DIP2B: variants seen among roughly 807,000 people sequenced by gnomAD.
The protein encoded by DIP2B is DIP2 acetate--CoA ligase B (putative).
A neutral mutation model predicts 198.0 loss-of-function variants in DIP2B; 76 were observed. The ratio of observed to expected loss-of-function variants is 0.38; its 90% CI spans 0.32 to 0.46. The LOEUF is 0.46. DIP2B is among the 20% of genes least tolerant of loss of function. The probability of loss-of-function intolerance (pLI) is 0.99; values close to 1 mark genes in which losing one functional copy is unlikely to be tolerated. For synonymous variants in DIP2B, 701 were observed against 739.1 expected, an observed-to-expected ratio of 0.95 and a Z score of 0.84; for missense variants, 1,559 against 1,978.4, an observed-to-expected ratio of 0.79 and a Z score of 4.02.
intron 1 of DIP2B, among the ~76,000 whole-genome samples, chr12:50,533,417 G>C (rs1353950700): frequency 6.6e-6 from 1 of 152,020 alleles, no homozygotes; most frequent in South Asian, 2.1e-4. Flanking sequence ...GTTGTGTAGG[G>C]TGAGGGTAGC....
At chr12:50,593,693 C>T (rs1207303753) in intron 1 of DIP2B, among the ~76,000 whole-genome samples, 1 of 102,214 alleles carries the variant, frequency 9.8e-6, no homozygotes, top group Non-Finnish European at 2.1e-5. Flanking sequence ...ACACTCTTTT[C>T]TCCTCTCCTC....
chr12:50,708,832 T>C (rs1337857722), intron 22 of DIP2B, among the ~76,000 whole-genome samples: 1 of 152,260 alleles, frequency 6.6e-6, no homozygotes, highest in East Asian at 1.9e-4. Context: ...GTGAAAGTTT[T>C]AACTGTCATA....
intron 1 of DIP2B, among the ~76,000 whole-genome samples, chr12:50,592,538 C>T (rs1440853899): frequency 1.3e-5 from 2 of 151,924 alleles, no homozygotes; most frequent in Non-Finnish European, 2.9e-5. Flanking sequence ...AGTGCAGTGG[C>T]ACGATCTCAG....
chr12:50,682,654 G>C (rs1314906416), intron 9 of DIP2B, among the ~76,000 whole-genome samples: 1 of 106,058 alleles, frequency 9.4e-6, no homozygotes, highest in African/African-American at 3.7e-5. Flanking sequence ...AAAAAAAAAA[G>C]AGTAGGAAAA....
At position 50,718,938 on chromosome 12, in the gene DIP2B, C is replaced by T; in HGVS notation, c.2962-17C>T. ...AAGTTGCTGACCCTGAGTCCTTTTT[C>T]TGGTTTATGACTTCAGCACCAGTTT... On this transcript the variant is annotated splice_polypyrimidine_tract_variant and intron_variant, in intron 24 of 37. Coordinates refer to ENST00000301180, the MANE Select transcript of DIP2B (RefSeq NM_173602.3). 1 of 1,614,048 alleles carries T rather than the reference C, an allele frequency of 6.2e-7. No individual in the cohort carries two copies.
chr12:50,654,440 G>C (rs1263230261), intron 3 of DIP2B, among the ~76,000 whole-genome samples: 2 of 148,682 alleles, frequency 1.3e-5, no homozygotes, highest in African/African-American at 2.5e-5. Context: ...AGGCAGCCTC[G>C]ACCTCCTGTG....
At chr12:50,531,739 A>G (rs1040783885) in intron 1 of DIP2B, among the ~76,000 whole-genome samples, 11 of 152,136 alleles carry the variant, frequency 7.2e-5, no homozygotes, top group Non-Finnish European at 1.2e-4. Context: ...AGGTGGAGAG[A>G]AAGGAAGTAG....
chr12:50,522,035 C>G (rs1195848346), intron 1 of DIP2B, among the ~76,000 whole-genome samples: 1 of 151,812 alleles, frequency 6.6e-6, no homozygotes, highest in Non-Finnish European at 1.5e-5. Flanking sequence ...GAGTCTTGCT[C>G]TGTCACCCAG....
intron 1 of DIP2B, among the ~76,000 whole-genome samples, chr12:50,524,230 C>T (rs150438053): frequency 1.1e-4 from 17 of 152,322 alleles, no homozygotes; most frequent in African/African-American, 4.1e-4. Context: ...CATCACATCT[C>T]TTGCTTCTTT....
At chr12:50,722,253 G>GTTTATTTTATTTTATTTTAT (rs147287033) in intron 26 of DIP2B, among the ~76,000 whole-genome samples, 70 of 143,170 alleles carry the variant, frequency 4.9e-4, no homozygotes, top group African/African-American at 1.8e-3. Context: ...TTGTTTGTTT[G>GTTTATTTTATTTTATTTTAT]TTTATTTTAT....
intron 1 of DIP2B, among the ~76,000 whole-genome samples, chr12:50,608,416 G>A (rs1396922179): frequency 6.6e-6 from 1 of 152,098 alleles, no homozygotes; most frequent in African/African-American, 2.4e-5. Context: ...GAGGCCAGGA[G>A]TTCGAGAGCA....
intron 19 of DIP2B, among the ~76,000 whole-genome samples, chr12:50,703,281 G>A (rs573299756): frequency 3.7e-4 from 56 of 151,090 alleles, no homozygotes; most frequent in Non-Finnish European, 6.6e-4. Context: ...TATATTTTTC[G>A]GTACCAGATT....
intron 29 of DIP2B, among the ~76,000 whole-genome samples, chr12:50,728,239 C>G (rs936963535): frequency 6.6e-6 from 1 of 151,780 alleles, no homozygotes; most frequent in African/African-American, 2.4e-5. Flanking sequence ...ATCAGCTGGG[C>G]GTGGTGGTGC....
At chr12:50,583,825 A>G (rs1159262440) in intron 1 of DIP2B, among the ~76,000 whole-genome samples, 2 of 152,092 alleles carry the variant, frequency 1.3e-5, no homozygotes, top group Non-Finnish European at 2.9e-5. Context: ...TTTTCTCCCC[A>G]TGACAGCACA....
At position 50,640,644 on chromosome 12, in the gene DIP2B, T is replaced by C. The variant is rs553693555; in HGVS notation, c.173-80T>C. On this transcript the variant is annotated intron_variant, in intron 2 of 37. Coordinates refer to ENST00000301180, the MANE Select transcript of DIP2B (RefSeq NM_173602.3). ...GGTAATAGTACCTAGCTCAGAGTAT[T>C]GTGAGAATGCTTAAAGTGCTTTAGA... The C allele has an allele frequency of 1.3e-3, 1,980 of 1,499,544 alleles. 18 individuals carry two copies. The highest frequency in any genetic ancestry group is 2.4e-3 in the South Asian group (199 of 83,106). 92.9% of individuals were successfully genotyped at this position (1,499,544 alleles called of 1,614,324 possible).
chr12:50,584,991 C>T (rs1017074094), intron 1 of DIP2B, among the ~76,000 whole-genome samples: 23 of 152,124 alleles, frequency 1.5e-4, no homozygotes, highest in African/African-American at 5.3e-4. Context: ...TTTTTCCTGT[C>T]CCTCATTATG....
At chr12:50,657,458 T>G (rs1405241412) in intron 3 of DIP2B, among the ~76,000 whole-genome samples, 1 of 152,128 alleles carries the variant, frequency 6.6e-6, no homozygotes, top group Non-Finnish European at 1.5e-5. Flanking sequence ...GTTACCATAG[T>G]GGAGCAGACA....
At chr12:50,709,922 T>A (rs2139571778) in intron 22 of DIP2B, among the ~76,000 whole-genome samples, 1 of 152,182 alleles carries the variant, frequency 6.6e-6, no homozygotes, top group East Asian at 1.9e-4. Context: ...TGCACTATGG[T>A]CGCACCTGTG....
intron 8 of DIP2B, chr12:50,679,703 T>C (rs376337304): frequency 2.7e-4 from 41 of 152,256 alleles, no homozygotes; most frequent in Non-Finnish European, 5.9e-4. Flanking sequence ...AAGCTGTATA[T>C]ACATTTCATT....
Sources: gnomAD v4.1 joint callset for allele counts (sites outside exome capture counted in the v4.1 genomes callset) on GRCh38, gnomAD v4.1.1 for gene constraint, MANE v1.5 for transcripts, NCBI Gene and HGNC (gene_info 2026-07-23, HGNC 2026-07-21) for gene names.